DARS1: variants seen among roughly 807,000 people sequenced by gnomAD.
DARS1 encodes the protein aspartate--tRNA ligase, cytoplasmic.
A neutral mutation model predicts 68.8 loss-of-function variants in DARS1; 51 were observed. The observed-to-expected ratio is 0.74, with a 90% confidence interval of 0.59 to 0.94. DARS1 has a LOEUF of 0.94. DARS1 is among the 40% of genes least tolerant of loss of function. DARS1 has a pLI of 0.00. For missense variants in DARS1, 607 were observed against 597.3 expected, an observed-to-expected ratio of 1.02 and a Z score of -0.17; for synonymous variants, 203 against 190.4, an observed-to-expected ratio of 1.07 and a Z score of -0.55.
intron 15 of DARS1, among the ~76,000 whole-genome samples, chr2:135,907,750 C>A (rs1680819877): frequency 6.6e-6 from 1 of 152,120 alleles, no homozygotes; most frequent in Non-Finnish European, 1.5e-5. Flanking sequence ...ATACCACACT[C>A]TGATTATACA....
rs2104796542 is a variant in DARS1, at chr2:135,916,147, G to A, written c.1106+79C>T. 8 of 740,154 alleles carry A rather than the reference G, an allele frequency of 1.1e-5. No individual in the cohort carries two copies. In the East Asian group the frequency reaches 2.0e-4, roughly 19 times the overall value. 45.8% of individuals were successfully genotyped at this position (740,154 alleles called of 1,614,324 possible). ...GGTGCAGCAAACCACCATGGCACAT[G>A]TATACCTATGTAACAAACCTGCACG... On this transcript the variant is annotated intron_variant, in intron 11 of 15. Coordinates refer to ENST00000264161, the MANE Select transcript of DARS1 (RefSeq NM_001349.4).
At chr2:135,972,442 G>A (rs536611309) in intron 3 of DARS1, among the ~76,000 whole-genome samples, 1 of 152,252 alleles carries the variant, frequency 6.6e-6, no homozygotes, top group South Asian at 2.1e-4. Flanking sequence ...ATGAATTGAA[G>A]ACTTAAATCT....
chr2:135,922,775 A>C lies in DARS1; in HGVS notation c.811+9T>G. 1 of 1,529,710 alleles carries C rather than the reference A, an allele frequency of 6.5e-7. No individual in the cohort carries two copies. Among genetic ancestry groups the C allele is most frequent in the Non-Finnish European group, 8.7e-7 (1 of 1,146,218 alleles). The allele number at this position is 1,529,710 out of a possible 1,614,324, so 94.8% of individuals were successfully genotyped here. ...TAACTTGGATAAAACATAACTGCCA[A>C]AATCTTACCTGGTCCAATAGAGAAA... is the stretch of plus-strand genomic sequence containing the variant. On this transcript the variant is annotated intron_variant, in intron 9 of 15. Transcript: ENST00000264161.
chr2:135,959,692 A>G (rs1180280025), intron 4 of DARS1, among the ~76,000 whole-genome samples: 1 of 152,142 alleles, frequency 6.6e-6, no homozygotes, highest in Middle Eastern at 3.2e-3. Context: ...GTCTGCTTCT[A>G]AACACATCAC....
chr2:135,971,569 T>C (rs1054275751), intron 3 of DARS1, among the ~76,000 whole-genome samples: 7 of 152,062 alleles, frequency 4.6e-5, no homozygotes, highest in Admixed American at 3.3e-4. Context: ...TTATTCAACA[T>C]AGGACTAGAA....
chr2:135,975,158 C>T (rs1186934896), intron 3 of DARS1, among the ~76,000 whole-genome samples: 1 of 151,498 alleles, frequency 6.6e-6, no homozygotes, highest in African/African-American at 2.4e-5. Context: ...TTCTGGCTAA[C>T]ATAGTGAAAC....
intron 7 of DARS1, among the ~76,000 whole-genome samples, chr2:135,926,590 G>T (rs756559663): frequency 2.6e-5 from 4 of 151,968 alleles, no homozygotes; most frequent in South Asian, 2.1e-4. Context: ...GATGGGAAAA[G>T]AATTAAACAA....
intron 5 of DARS1, among the ~76,000 whole-genome samples, chr2:135,940,512 AAAT>A (rs1681571967): frequency 6.6e-6 from 1 of 152,200 alleles, no homozygotes; most frequent in African/African-American, 2.4e-5. Context: ...ACGTATCTCA[AAAT>A]AATAAGAGCT....
At chr2:135,959,662 T>C (rs1682059338) in intron 4 of DARS1, among the ~76,000 whole-genome samples, 1 of 152,048 alleles carries the variant, frequency 6.6e-6, no homozygotes, top group African/African-American at 2.4e-5. Context: ...GAATAACTTA[T>C]TTGCGGAGTA....
chr2:135,943,230 G>A, intron 5 of DARS1, 148 bp downstream of exon 5: 1 of 1,163,710 alleles, frequency 8.6e-7, no homozygotes, highest in Non-Finnish European at 1.2e-6. Context: ...GGGGTGATTT[G>A]TTATATAACA....
chr2:135,947,685 G>A (rs1575397058), intron 4 of DARS1, among the ~76,000 whole-genome samples: 1 of 151,894 alleles, frequency 6.6e-6, no homozygotes, highest in South Asian at 2.1e-4. Flanking sequence ...AATGATTATT[G>A]CACTAGACAG....
At chr2:135,941,635 C>T (rs1164283795) in intron 5 of DARS1, among the ~76,000 whole-genome samples, 2 of 150,080 alleles carry the variant, frequency 1.3e-5, no homozygotes, top group African/African-American at 4.9e-5. Context: ...AAAGCAATGG[C>T]AACAAAAGCC....
intron 5 of DARS1, among the ~76,000 whole-genome samples, chr2:135,940,886 A>T (rs1681580674): frequency 6.6e-6 from 1 of 152,212 alleles, no homozygotes; most frequent in Admixed American, 6.5e-5. Context: ...AGAGAGCCAA[A>T]TCATGAGTGA....
chr2:135,985,208 C>G lies in DARS1; in HGVS notation c.66+195G>C, dbSNP rs1575412074. ...AGTAGGCCAAACTCCCAGGTGACCC[C>G]CGCAAGAAACGCGGTCCGGAGAGGG... On this transcript the variant is annotated intron_variant, in intron 1 of 15. Coordinates refer to ENST00000264161, the MANE Select transcript of DARS1 (RefSeq NM_001349.4). The G allele has an allele frequency of 1.0e-5, 9 of 890,722 alleles. No homozygotes were observed. In the East Asian group the frequency reaches 2.5e-4, roughly 25 times the overall value. 55.2% of individuals were successfully genotyped at this position (890,722 alleles called of 1,614,324 possible).
intron 15 of DARS1, among the ~76,000 whole-genome samples, chr2:135,908,799 C>G (rs1435547921): frequency 6.6e-6 from 1 of 152,034 alleles, no homozygotes; most frequent in South Asian, 2.1e-4. Context: ...GTTTAAGTTC[C>G]TTGTGGATTC....
rs1414000594 is a variant in DARS1 at position 135,956,472 on chromosome 2, G to A, written c.320+4924C>T. The stretch of plus-strand genomic sequence containing the variant: ...GAGAAGGAACCCAATTAGCTATGGC[G>A]GGTGATCAGATACTGAGGGGGGATG... On this transcript the variant is annotated intron_variant, in intron 4 of 15. Coordinates refer to ENST00000264161, the MANE Select transcript of DARS1 (RefSeq NM_001349.4). Among the ~76,000 whole-genome samples, 5 of 152,148 alleles carry A rather than the reference G, an allele frequency of 3.3e-5. No homozygotes were observed. In the South Asian group the frequency reaches 6.2e-4, roughly 19 times the overall value.
intron 8 of DARS1, 46 bp from the exon 9 acceptor site, chr2:135,922,964 A>C: frequency 7.1e-7 from 1 of 1,404,036 alleles, no homozygotes; most frequent in Non-Finnish European, 9.3e-7. Context: ...TCAATTGTAA[A>C]CTTATCAATG....
intron 10 of DARS1, among the ~76,000 whole-genome samples, chr2:135,918,458 T>C (rs1339273474): frequency 2.6e-5 from 4 of 152,160 alleles, no homozygotes; most frequent in Non-Finnish European, 5.9e-5. Flanking sequence ...GAGAGGAACA[T>C]GACACAGGTC....
At chr2:135,921,329 A>AGGG (rs1681107599) in intron 9 of DARS1, among the ~76,000 whole-genome samples, 3 of 151,892 alleles carry the variant, frequency 2.0e-5, no homozygotes, top group Admixed American at 6.5e-5. Context: ...CCTAACCTAT[A>AGGG]TTTCTCACTT....
Sources: gnomAD v4.1 joint callset for allele counts (sites outside exome capture counted in the v4.1 genomes callset) on GRCh38, gnomAD v4.1.1 for gene constraint, MANE v1.5 for transcripts, NCBI Gene and HGNC (gene_info 2026-07-23, HGNC 2026-07-21) for gene names.